The following CIMAP1B variants were observed in gnomAD, a reference collection of about 807,000 sequenced individuals.
CIMAP1B encodes the protein ciliary microtubule associated protein 1B.
At chr22:50,532,068 C>T in the CIMAP1B span, 5 of 1,366,702 alleles carry the variant, frequency 3.7e-6, no homozygotes, top group South Asian at 8.4e-5. Context: ...ACCCAGGCGT[C>T]CGAGCCCATA....
At chr22:50,532,011 A>G in the CIMAP1B span, 1 of 1,359,244 alleles carries the variant, frequency 7.4e-7, no homozygotes, top group Non-Finnish European at 9.5e-7. Context: ...GGGCCTCCGT[A>G]GTGCGCCGCG....
chr22:50,530,519 C>G, the CIMAP1B span: 1 of 1,601,094 alleles, frequency 6.2e-7, no homozygotes, highest in African/African-American at 1.3e-5. Context: ...CCAGGTAGTC[C>G]GAGTGCCGGA....
the CIMAP1B span, chr22:50,530,907 C>T: frequency 9.9e-6 from 16 of 1,609,230 alleles, no homozygotes; most frequent in East Asian, 3.1e-4. Flanking sequence ...GACCAGGGAC[C>T]CCCTGCGTCC....
At chr22:50,531,106 G>T in the CIMAP1B span, 1 of 1,588,234 alleles carries the variant, frequency 6.3e-7, no homozygotes, top group Non-Finnish European at 8.6e-7. Context: ...GCGGACAGGC[G>T]CAGGGTGGTC....
At chr22:50,530,515 A>G in the CIMAP1B span, 1 of 1,601,442 alleles carries the variant, frequency 6.2e-7, no homozygotes, top group South Asian at 1.1e-5. Context: ...GGGGCCAGGT[A>G]GTCCGAGTGC....
chr22:50,532,391 TG>T, the CIMAP1B span: 2 of 252,154 alleles, frequency 7.9e-6, no homozygotes, highest in African/African-American at 2.3e-5. Context: ...GGGGGTGGGG[TG>T]GGGGCAGGAG....
the CIMAP1B span, chr22:50,531,130 G>A: frequency 6.3e-7 from 1 of 1,587,180 alleles, no homozygotes; most frequent in Non-Finnish European, 8.6e-7. Context: ...GCTCCCGGAG[G>A]GCGGTCCCCG....
At chr22:50,530,762 G>A in the CIMAP1B span, 1 of 1,610,252 alleles carries the variant, frequency 6.2e-7, no homozygotes, top group Non-Finnish European at 8.5e-7. Flanking sequence ...TTGTCTTGGG[G>A]GAGCGAAGTC....
At chr22:50,531,118 C>T in the CIMAP1B span, 1 of 1,588,830 alleles carries the variant, frequency 6.3e-7, no homozygotes, top group Admixed American at 1.7e-5. Flanking sequence ...AGGGTGGTCC[C>T]AGCTCCCGGA....
At chr22:50,531,163 G>T in the CIMAP1B span, 1 of 1,597,236 alleles carries the variant, frequency 6.3e-7, no homozygotes, top group Non-Finnish European at 8.6e-7. Flanking sequence ...AAGGCCCACA[G>T]TTCTGGGATG....
chr22:50,531,135 TC>T, the CIMAP1B span: 1 of 1,589,622 alleles, frequency 6.3e-7, no homozygotes. Context: ...CGGAGGGCGG[TC>T]CCCGGTCTCG....
At chr22:50,531,160 A>G in the CIMAP1B span, 6 of 1,599,938 alleles carry the variant, frequency 3.8e-6, no homozygotes, top group East Asian at 1.3e-4. Flanking sequence ...GGGAAGGCCC[A>G]CAGTTCTGGG....
At chr22:50,530,862 G>C in the CIMAP1B span, 2 of 1,605,706 alleles carry the variant, frequency 1.2e-6, no homozygotes, top group Non-Finnish European at 1.7e-6. Context: ...TCTGCGAGAG[G>C]GCAGAGGGTG....
chr22:50,531,908 C>T, the CIMAP1B span: 2 of 1,316,268 alleles, frequency 1.5e-6, no homozygotes, highest in Non-Finnish European at 2.0e-6. Context: ...TCCCTGGTCT[C>T]TTCCCCTTCC....
At chr22:50,531,698 G>T in the CIMAP1B span, 5 of 1,368,414 alleles carry the variant, frequency 3.7e-6, no homozygotes, top group South Asian at 7.1e-5. Flanking sequence ...GCCGCACGTC[G>T]TCTGCTGCGT....
chr22:50,530,898 A>T, the CIMAP1B span: 1 of 1,608,382 alleles, frequency 6.2e-7, no homozygotes, highest in Non-Finnish European at 8.5e-7. Context: ...ACTGCCGCGG[A>T]CCAGGGACCC....
chr22:50,530,674 C>T, the CIMAP1B span: 1 of 1,606,226 alleles, frequency 6.2e-7, no homozygotes, highest in African/African-American at 1.3e-5. Flanking sequence ...CCTCCCCACT[C>T]TCCTGACTCT....
At chr22:50,530,455 T>C in the CIMAP1B span, 2 of 1,574,108 alleles carry the variant, frequency 1.3e-6, no homozygotes, top group East Asian at 4.6e-5. Flanking sequence ...AGCAAACACG[T>C]GTGGGGCCGC....
chr22:50,530,766 C>G, the CIMAP1B span: 6 of 1,608,852 alleles, frequency 3.7e-6, no homozygotes, highest in African/African-American at 5.4e-5. Flanking sequence ...CTTGGGGGAG[C>G]GAAGTCCGCG....
Sources: allele counts gnomAD v4.1 joint callset, GRCh38; gene constraint gnomAD v4.1.1; transcripts MANE v1.5; gene names NCBI Gene and HGNC (gene_info 2026-07-23, HGNC 2026-07-21).